Variants in NRXN3 observed in about 807,000 individuals in gnomAD.
The protein encoded by NRXN3 is neurexin III.
NRXN3 carries 32 observed loss-of-function variants against 137.6 expected under a neutral mutation model. The ratio of observed to expected loss-of-function variants is 0.23; its 90% CI spans 0.18 to 0.31. The LOEUF (loss-of-function observed/expected upper bound fraction) is 0.31, where lower values mean the gene tolerates loss of function less well. Among genes scored for constraint, NRXN3 ranks in the 10% least tolerant of loss-of-function variants. The pLI is 1.00. For synonymous variants in NRXN3, 798 were observed against 784.5 expected (o/e 1.02, Z -0.29); for missense variants, 1,574 against 2,062.5 (o/e 0.76, Z 4.59).
At chr14:78,493,978 A>G (rs1338557447) in intron 4 of NRXN3, among the ~76,000 whole-genome samples, 1 of 152,210 alleles carries the variant, frequency 6.6e-6, no homozygotes, top group Non-Finnish European at 1.5e-5. Context: ...AGATGCCTAC[A>G]GAGGAAGCAG....
At chr14:79,726,163 A>G (rs1338443348) in intron 19 of NRXN3, among the ~76,000 whole-genome samples, 1 of 152,138 alleles carries the variant, frequency 6.6e-6, no homozygotes, top group Non-Finnish European at 1.5e-5. Flanking sequence ...TTATTCTCTA[A>G]TATATTTGTT....
At chr14:78,357,118 T>C (rs535276416) in intron 4 of NRXN3, among the ~76,000 whole-genome samples, 3 of 152,278 alleles carry the variant, frequency 2.0e-5, no homozygotes, top group Admixed American at 6.5e-5. Flanking sequence ...GATAAAGACA[T>C]ACCTGCGACT....
At chr14:79,330,561 A>G (rs934016010) in intron 15 of NRXN3, among the ~76,000 whole-genome samples, 10 of 152,162 alleles carry the variant, frequency 6.6e-5, no homozygotes, top group African/African-American at 9.7e-5. Context: ...CCTAATACAC[A>G]TGATGCTTAC....
chr14:79,714,983 T>C (rs538665829), intron 19 of NRXN3, among the ~76,000 whole-genome samples: 11 of 152,316 alleles, frequency 7.2e-5, no homozygotes, highest in African/African-American at 2.6e-4. Flanking sequence ...AGACGGTGTC[T>C]CACTCCGTCA....
intron 20 of NRXN3, among the ~76,000 whole-genome samples, chr14:79,832,348 T>C (rs1313819465): frequency 6.6e-6 from 1 of 152,144 alleles, no homozygotes; most frequent in Non-Finnish European, 1.5e-5. Flanking sequence ...TCTCCTAAGT[T>C]GCATTGTGGA....
chr14:78,611,915 T>A (rs1203599428), intron 4 of NRXN3, among the ~76,000 whole-genome samples: 3 of 152,248 alleles, frequency 2.0e-5, no homozygotes, highest in Non-Finnish European at 2.9e-5. Context: ...AAGATTGGTT[T>A]ATTTTTGTTT....
intron 15 of NRXN3, among the ~76,000 whole-genome samples, chr14:79,291,633 C>CAGGA (rs2083221675): frequency 1.4e-5 from 2 of 144,286 alleles, no homozygotes; most frequent in Non-Finnish European, 3.0e-5. Flanking sequence ...GCAGTTTGAA[C>CAGGA]CTGTCCTGTT....
chr14:78,735,287 A>G (rs2098536495), intron 8 of NRXN3, among the ~76,000 whole-genome samples: 1 of 152,214 alleles, frequency 6.6e-6, no homozygotes, highest in Non-Finnish European at 1.5e-5. Flanking sequence ...AAAGTTTGCA[A>G]ACATCTCAAT....
At chr14:78,638,023 C>T (rs933505071) in intron 4 of NRXN3, among the ~76,000 whole-genome samples, 5 of 152,160 alleles carry the variant, frequency 3.3e-5, no homozygotes, top group Admixed American at 6.6e-5. Context: ...TTCAGTGAAG[C>T]GTGGTTTTCC....
intron 16 of NRXN3, among the ~76,000 whole-genome samples, chr14:79,477,734 GAGTA>G (rs2096572319): frequency 6.6e-6 from 1 of 152,092 alleles, no homozygotes; most frequent in Admixed American, 6.6e-5. Context: ...GCAGGGTCTT[GAGTA>G]AGTGTTTCTA....
At chr14:78,334,336 G>A (rs967795407) in intron 4 of NRXN3, among the ~76,000 whole-genome samples, 1 of 152,150 alleles carries the variant, frequency 6.6e-6, no homozygotes, top group African/African-American at 2.4e-5. Flanking sequence ...TCTTTCCTGT[G>A]AGAGTTTCCT....
At chr14:78,204,532 T>G (rs1566964224) in intron 1 of NRXN3, among the ~76,000 whole-genome samples, 2 of 152,210 alleles carry the variant, frequency 1.3e-5, no homozygotes, top group Non-Finnish European at 2.9e-5. Flanking sequence ...CTTAAGTTCT[T>G]TGGATGGGGA....
chr14:78,298,105 G>T (rs1160680456), intron 4 of NRXN3, among the ~76,000 whole-genome samples: 3 of 152,206 alleles, frequency 2.0e-5, no homozygotes, highest in Non-Finnish European at 2.9e-5. Context: ...CATTTTGGGC[G>T]CTGGCCCTGC....
chr14:79,620,108 G>C (rs1222004359), intron 16 of NRXN3, among the ~76,000 whole-genome samples: 2 of 152,004 alleles, frequency 1.3e-5, no homozygotes, highest in Non-Finnish European at 2.9e-5. Flanking sequence ...ATAAATAGAA[G>C]GGGATAAACC....
At chr14:79,794,396 A>AC (rs201230561) in intron 19 of NRXN3, among the ~76,000 whole-genome samples, 4 of 149,306 alleles carry the variant, frequency 2.7e-5, no homozygotes, top group East Asian at 2.0e-4. Context: ...ACAAAAAAAC[A>AC]AAAAAAAAAC....
At chr14:79,076,370 C>T (rs967831343) in intron 15 of NRXN3, among the ~76,000 whole-genome samples, 3 of 152,156 alleles carry the variant, frequency 2.0e-5, no homozygotes, top group African/African-American at 7.2e-5. Context: ...AGCTGGGTGC[C>T]TCTGGCTTAG....
chr14:78,821,904 G>A (rs752024868), intron 10 of NRXN3, among the ~76,000 whole-genome samples: 3 of 152,160 alleles, frequency 2.0e-5, no homozygotes, highest in Non-Finnish European at 4.4e-5. Context: ...AAAACTTTCC[G>A]GTCATCATAA....
chr14:79,403,044 T>C (rs1179121786), intron 15 of NRXN3, among the ~76,000 whole-genome samples: 1 of 152,196 alleles, frequency 6.6e-6, no homozygotes, highest in Non-Finnish European at 1.5e-5. Context: ...ATTTGTTGTA[T>C]ATTTGTTTCT....
chr14:79,130,825 G>A lies in NRXN3; in HGVS notation c.3262+142684G>A, dbSNP rs368488961. Among the ~76,000 whole-genome samples the A allele has an allele frequency of 4.0e-4, 61 of 152,168 alleles. No individual in the cohort carries two copies. The East Asian group carries it at 8.1e-3, about 20-fold the overall frequency. On this transcript the variant is annotated intron_variant, in intron 15 of 20. Transcript: ENST00000335750. Reference sequence around the variant, plus strand: ...TCACTTTCAGGTACACCAATCAGACGTAGATTTGGTCTTTTCACATAGTCC... The same window carrying A: ...TCACTTTCAGGTACACCAATCAGACATAGATTTGGTCTTTTCACATAGTCC...
Sources: gnomAD v4.1 joint callset for allele counts (sites outside exome capture counted in the v4.1 genomes callset) on GRCh38, gnomAD v4.1.1 for gene constraint, MANE v1.5 for transcripts, NCBI Gene and HGNC (gene_info 2026-07-23, HGNC 2026-07-21) for gene names.